Variants in CWF19L2 observed in about 807,000 individuals in gnomAD.
CWF19L2 encodes CWF19-like protein 2.
Under a neutral mutation model 111.7 loss-of-function variants are expected in CWF19L2, and 98 were observed. The observed-to-expected ratio is 0.88, with a 90% confidence interval of 0.75 to 1.04. The LOEUF is 1.04. Among genes scored for constraint, CWF19L2 ranks in the 50% least tolerant of loss-of-function variants. CWF19L2 has a pLI of 0.00. For synonymous variants in CWF19L2, 351 were observed against 342.9 expected, an observed-to-expected ratio of 1.02 and a Z score of -0.26; for missense variants, 1,101 against 1,051.4, an observed-to-expected ratio of 1.05 and a Z score of -0.65.
At chr11:107,388,780 T>C (rs1415400222) in intron 12 of CWF19L2, among the ~76,000 whole-genome samples, 1 of 152,192 alleles carries the variant, frequency 6.6e-6, no homozygotes, top group Admixed American at 6.5e-5. Context: ...AATTCAGACT[T>C]CATATACAGA....
chr11:107,338,877 A>G (rs1202815730), intron 14 of CWF19L2, among the ~76,000 whole-genome samples: 1 of 152,198 alleles, frequency 6.6e-6, no homozygotes, highest in Non-Finnish European at 1.5e-5. Flanking sequence ...TGCAATGAAC[A>G]CATGTGTGCA....
intron 6 of CWF19L2, among the ~76,000 whole-genome samples, chr11:107,438,735 C>T (rs771913698): frequency 3.3e-5 from 5 of 152,108 alleles, no homozygotes; most frequent in Non-Finnish European, 7.4e-5. Context: ...TTGGGTCATA[C>T]ACTTATAATA....
intron 3 of CWF19L2, among the ~76,000 whole-genome samples, chr11:107,448,448 A>G (rs1211361241): frequency 6.6e-6 from 1 of 151,962 alleles, no homozygotes; most frequent in East Asian, 1.9e-4. Context: ...GCTAGAAAGT[A>G]AGTGAACACA....
intron 4 of CWF19L2, among the ~76,000 whole-genome samples, 174 bp from the exon 5 acceptor site, chr11:107,441,796 T>A (rs1464665595): frequency 6.6e-6 from 1 of 152,230 alleles, no homozygotes; most frequent in Non-Finnish European, 1.5e-5. Context: ...CTCTCTATAC[T>A]TTAGTCTCTC....
At chr11:107,435,114 C>G (rs1236192295) in intron 6 of CWF19L2, among the ~76,000 whole-genome samples, 2 of 152,068 alleles carry the variant, frequency 1.3e-5, no homozygotes, top group Admixed American at 6.5e-5. Context: ...TTCCATTCTC[C>G]CATTCAGATC....
intron 12 of CWF19L2, among the ~76,000 whole-genome samples, chr11:107,354,857 A>G (rs2134548017): frequency 6.6e-6 from 1 of 152,296 alleles, no homozygotes; most frequent in South Asian, 2.1e-4. Flanking sequence ...TCCTGGGTCA[A>G]CCCATGAGGT....
At chr11:107,358,541 T>A (rs993439148) in intron 12 of CWF19L2, among the ~76,000 whole-genome samples, 3 of 152,150 alleles carry the variant, frequency 2.0e-5, no homozygotes, top group African/African-American at 4.8e-5. Flanking sequence ...TACTGATACT[T>A]GTTACAACAT....
chr11:107,360,123 C>CT (rs1860302410), intron 12 of CWF19L2, among the ~76,000 whole-genome samples: 2 of 152,174 alleles, frequency 1.3e-5, no homozygotes. Flanking sequence ...CCCCCTTATT[C>CT]TTCTGAGTCT....
chr11:107,423,877 G>A (rs1191534419), intron 8 of CWF19L2, among the ~76,000 whole-genome samples: 3 of 151,228 alleles, frequency 2.0e-5, no homozygotes, highest in Non-Finnish European at 4.4e-5. Context: ...TAACACAAAC[G>A]ACTACATCAA....
At chr11:107,428,326 C>T (rs1163548026) in intron 8 of CWF19L2, among the ~76,000 whole-genome samples, 1 of 152,086 alleles carries the variant, frequency 6.6e-6, no homozygotes, top group Non-Finnish European at 1.5e-5. Context: ...TCATGCTCCC[C>T]TCTGCAAGAT....
At chr11:107,440,708 T>C (rs908848353) in intron 5 of CWF19L2, among the ~76,000 whole-genome samples, 4 of 152,066 alleles carry the variant, frequency 2.6e-5, no homozygotes, top group African/African-American at 9.7e-5. Flanking sequence ...ATAACTTCTA[T>C]AAATCAGTTA....
chr11:107,444,042 G>A (rs952869147), intron 3 of CWF19L2, among the ~76,000 whole-genome samples: 3 of 150,956 alleles, frequency 2.0e-5, no homozygotes, highest in African/African-American at 7.3e-5. Context: ...CTCCTCTCAC[G>A]GCATTAACCA....
At chr11:107,415,003 T>G (rs1861205476) in intron 10 of CWF19L2, among the ~76,000 whole-genome samples, 1 of 152,190 alleles carries the variant, frequency 6.6e-6, no homozygotes, top group African/African-American at 2.4e-5. Flanking sequence ...TGTTTTCTGC[T>G]TAAAACCATG....
intron 10 of CWF19L2, among the ~76,000 whole-genome samples, chr11:107,415,924 C>T (rs1861218547): frequency 6.6e-6 from 1 of 151,816 alleles, no homozygotes; most frequent in Non-Finnish European, 1.5e-5. Flanking sequence ...ATGGTGAAAC[C>T]CATTTCTACT....
rs926405616 is a variant in CWF19L2 at position 107,339,046 on chromosome 11, T to C, written c.2203-2333A>G. ...ACTCCCACAAACAGTGTATAAGCGTTCCTTTTTCTCTACAACCTCACCAGC... is the reference window on the plus strand; with the variant it reads ...ACTCCCACAAACAGTGTATAAGCGTCCCTTTTTCTCTACAACCTCACCAGC... On this transcript the variant is annotated intron_variant, in intron 14 of 17. Transcript: ENST00000282251. Among the ~76,000 whole-genome samples the C allele has an allele frequency of 2.6e-5, 4 of 152,306 alleles. No homozygotes were observed. In the East Asian group the frequency reaches 7.7e-4, roughly 29 times the overall value.
intron 16 of CWF19L2, among the ~76,000 whole-genome samples, chr11:107,333,887 G>C (rs1859884537): frequency 6.6e-6 from 1 of 152,094 alleles, no homozygotes; most frequent in Non-Finnish European, 1.5e-5. Context: ...TTCTGAAAAG[G>C]ACCACATAAT....
chr11:107,403,724 T>TC (rs1273662072), intron 10 of CWF19L2: 2 of 848,616 alleles, frequency 2.4e-6, no homozygotes, highest in African/African-American at 3.3e-5. Context: ...CGCCTCCTTC[T>TC]CCCTTTCCTC....
chr11:107,410,067 A>G (rs970273704), intron 10 of CWF19L2, among the ~76,000 whole-genome samples: 15 of 152,284 alleles, frequency 9.9e-5, no homozygotes, highest in Admixed American at 2.0e-4. Flanking sequence ...ATTCATAGAT[A>G]TGTGAATGAA....
At chr11:107,357,377 A>C (rs180802224) in intron 12 of CWF19L2, among the ~76,000 whole-genome samples, 35 of 152,366 alleles carry the variant, frequency 2.3e-4, no homozygotes, top group East Asian at 5.8e-4. Context: ...TATCTTATCC[A>C]AAATATATTA....
Sources: gnomAD v4.1 joint callset for allele counts (sites outside exome capture counted in the v4.1 genomes callset) on GRCh38, gnomAD v4.1.1 for gene constraint, MANE v1.5 for transcripts, NCBI Gene and HGNC (gene_info 2026-07-23, HGNC 2026-07-21) for gene names.